CCSER1: variants seen among roughly 807,000 people sequenced by gnomAD.
CCSER1 encodes the protein coiled-coil serine rich protein 1, also known as serine-rich coiled-coil domain-containing protein 1.
Under a neutral mutation model 82.0 loss-of-function variants are expected in CCSER1, and 41 were observed. The observed-to-expected ratio is 0.50, with a 90% CI of 0.39 to 0.65. The LOEUF (loss-of-function observed/expected upper bound fraction) is 0.65, where lower values mean the gene tolerates loss of function less well. CCSER1 is among the 30% of genes least tolerant of loss of function. The probability of loss-of-function intolerance (pLI) is 0.00; values close to 1 mark genes in which losing one functional copy is unlikely to be tolerated. For missense variants in CCSER1, 1,119 were observed against 1,064.2 expected (o/e 1.05, Z -0.72); for synonymous variants, 414 against 383.9 (o/e 1.08, Z -0.92).
chr4:90,744,458 C>G (rs1029430497), intron 7 of CCSER1, among the ~76,000 whole-genome samples: 4 of 152,136 alleles, frequency 2.6e-5, no homozygotes, highest in African/African-American at 7.2e-5. Flanking sequence ...AGGCACTGAT[C>G]AAATAAAAAT....
At chr4:90,557,403 T>G (rs1339500993) in intron 5 of CCSER1, among the ~76,000 whole-genome samples, 1 of 152,110 alleles carries the variant, frequency 6.6e-6, no homozygotes, top group African/African-American at 2.4e-5. Flanking sequence ...ATTATGTTCC[T>G]ACTAATAATT....
chr4:91,249,186 A>C (rs1390487560), intron 10 of CCSER1, among the ~76,000 whole-genome samples: 1 of 152,120 alleles, frequency 6.6e-6, no homozygotes, highest in Non-Finnish European at 1.5e-5. Context: ...TATTTTTTCT[A>C]AAATTTGAAG....
intron 10 of CCSER1, among the ~76,000 whole-genome samples, chr4:91,366,077 G>A (rs928916552): frequency 1.3e-5 from 2 of 152,182 alleles, no homozygotes; most frequent in East Asian, 3.8e-4. Context: ...GGAATGCAAT[G>A]GCACGATCTT....
intron 10 of CCSER1, among the ~76,000 whole-genome samples, chr4:91,196,139 A>G (rs1735407311): frequency 6.9e-6 from 1 of 145,182 alleles, no homozygotes; most frequent in African/African-American, 2.6e-5. Context: ...GTGAGCAGAG[A>G]TTGCTCCACA....
chr4:91,225,447 G>A lies in CCSER1; in HGVS notation c.2217+139453G>A, dbSNP rs558267327. On this transcript the variant is annotated intron_variant, in intron 10 of 10. Transcript: ENST00000509176. Reference sequence around the variant, plus strand: ...TACAGTATTTCTTAAATTTAAGACTGCAAATTATAAACTCAGGTGTAATTA... The same window carrying A: ...TACAGTATTTCTTAAATTTAAGACTACAAATTATAAACTCAGGTGTAATTA... Among the ~76,000 whole-genome samples, 101 of 145,216 alleles carry A rather than the reference G, an allele frequency of 7.0e-4. 1 individual carries two copies. Among genetic ancestry groups the A allele is most frequent in the Non-Finnish European group, 1.0e-3 (66 of 66,210 alleles).
intron 10 of CCSER1, among the ~76,000 whole-genome samples, chr4:91,117,531 A>G (rs142853080): frequency 2.0e-5 from 3 of 152,354 alleles, no homozygotes; most frequent in East Asian, 3.9e-4. Flanking sequence ...TACTTTATGT[A>G]CTTCAATTCA....
At chr4:90,296,808 T>A (rs182747839) in intron 1 of CCSER1, among the ~76,000 whole-genome samples, 4,349 of 152,314 alleles carry the variant, frequency 0.029, 68 homozygotes, top group South Asian at 0.05. Flanking sequence ...GTTGTAGATA[T>A]GCGGCATTAT....
At chr4:90,166,525 A>C (rs1305726508) in intron 1 of CCSER1, among the ~76,000 whole-genome samples, 1 of 152,014 alleles carries the variant, frequency 6.6e-6, no homozygotes, top group Non-Finnish European at 1.5e-5. Context: ...ATAGCATTTA[A>C]AAATTAATTA....
At chr4:91,476,303 T>G (rs1371037900) in intron 10 of CCSER1, among the ~76,000 whole-genome samples, 1 of 151,908 alleles carries the variant, frequency 6.6e-6, no homozygotes, top group Non-Finnish European at 1.5e-5. Context: ...AAGCATTATT[T>G]TCTGTCTTTT....
intron 5 of CCSER1, among the ~76,000 whole-genome samples, chr4:90,565,035 ATT>A (rs559940576): frequency 4.3e-5 from 6 of 140,994 alleles, no homozygotes; most frequent in South Asian, 2.3e-4. Flanking sequence ...CAAAGTTCAG[ATT>A]TTTTTTTTTT....
chr4:90,232,252 A>G (rs1446960131), intron 1 of CCSER1, among the ~76,000 whole-genome samples: 1 of 151,884 alleles, frequency 6.6e-6, no homozygotes, highest in Admixed American at 6.6e-5. Flanking sequence ...CCAAAACAGC[A>G]TGGTACCGGT....
At chr4:90,264,618 A>C (rs1243659334) in intron 1 of CCSER1, among the ~76,000 whole-genome samples, 1 of 151,702 alleles carries the variant, frequency 6.6e-6, no homozygotes. Flanking sequence ...TCTAAACTTT[A>C]TTTTTCTCCT....
chr4:90,188,455 A>G (rs546506338), intron 1 of CCSER1, among the ~76,000 whole-genome samples: 2 of 151,702 alleles, frequency 1.3e-5, no homozygotes, highest in African/African-American at 4.8e-5. Context: ...CAGAGCCACT[A>G]CTTAGAAGAT....
intron 3 of CCSER1, among the ~76,000 whole-genome samples, chr4:90,388,438 T>C (rs1750429608): frequency 6.6e-6 from 1 of 151,798 alleles, no homozygotes; most frequent in African/African-American, 2.4e-5. Flanking sequence ...GCCTCCTGAG[T>C]AGCTGGTATT....
At chr4:91,498,664 G>T (rs1249207348) in intron 10 of CCSER1, among the ~76,000 whole-genome samples, 1 of 151,086 alleles carries the variant, frequency 6.6e-6, no homozygotes, top group African/African-American at 2.4e-5. Context: ...GTCACCTTAG[G>T]TGCAGAGGAA....
chr4:91,190,426 T>C (rs572587168), intron 10 of CCSER1, among the ~76,000 whole-genome samples: 2 of 152,350 alleles, frequency 1.3e-5, no homozygotes, highest in East Asian at 1.9e-4. Flanking sequence ...TTATATATCA[T>C]ATCCTCTATC....
intron 6 of CCSER1, among the ~76,000 whole-genome samples, chr4:90,671,456 T>A (rs1035549003): frequency 3.9e-5 from 6 of 152,084 alleles, no homozygotes; most frequent in Non-Finnish European, 8.8e-5. Context: ...AAGGAAACAC[T>A]TTTTCTGCTC....
intron 10 of CCSER1, among the ~76,000 whole-genome samples, chr4:91,362,527 C>G (rs1578267662): frequency 6.6e-6 from 1 of 151,676 alleles, no homozygotes; most frequent in African/African-American, 2.4e-5. Context: ...AAATATTTTG[C>G]TTTTTATATT....
intron 8 of CCSER1, among the ~76,000 whole-genome samples, chr4:90,847,529 T>G (rs1763364974): frequency 6.6e-6 from 1 of 152,216 alleles, no homozygotes; most frequent in African/African-American, 2.4e-5. Flanking sequence ...ATTCTCTCCA[T>G]CTTTTACATT....
Sources: allele counts gnomAD v4.1 joint callset (sites outside exome capture counted in the v4.1 genomes callset), GRCh38; gene constraint gnomAD v4.1.1; transcripts MANE v1.5; gene names NCBI Gene and HGNC (gene_info 2026-07-23, HGNC 2026-07-21).